The following ABTB3 variants were observed in gnomAD, a reference collection of about 807,000 sequenced individuals.
The protein encoded by ABTB3 is ankyrin repeat and BTB domain containing 3, also known as ankyrin repeat- and BTB/POZ domain-containing protein 3.
the ABTB3 span, among the ~76,000 whole-genome samples, chr12:107,361,295 A>T: frequency 6.6e-6 from 1 of 152,172 alleles, no homozygotes; most frequent in Non-Finnish European, 1.5e-5. Context: ...TTTTTTCCTT[A>T]CAAGATAGAA....
the ABTB3 span, among the ~76,000 whole-genome samples, chr12:107,644,059 C>T: frequency 4.1e-4 from 62 of 152,196 alleles, 1 homozygote; most frequent in South Asian, 0.011. Context: ...TGAGCTACTA[C>T]GTGTGGCATT....
chr12:107,600,227 A>T, the ABTB3 span, among the ~76,000 whole-genome samples: 1 of 152,214 alleles, frequency 6.6e-6, no homozygotes, highest in African/African-American at 2.4e-5. Flanking sequence ...CAGCTCCATC[A>T]CCTACAAGCT....
chr12:107,559,600 A>T, the ABTB3 span, among the ~76,000 whole-genome samples: 7 of 152,208 alleles, frequency 4.6e-5, no homozygotes, highest in African/African-American at 1.4e-4. Flanking sequence ...TGATATTGAC[A>T]GCTGCCAGCA....
chr12:107,422,172 G>A, the ABTB3 span, among the ~76,000 whole-genome samples: 2,322 of 152,268 alleles, frequency 0.015, 38 homozygotes, highest in Non-Finnish European at 0.021. Flanking sequence ...AGATACTGGG[G>A]GAGAGGAATC....
chr12:107,479,962 C>T, the ABTB3 span, among the ~76,000 whole-genome samples: 1 of 152,194 alleles, frequency 6.6e-6, no homozygotes, highest in Non-Finnish European at 1.5e-5. Context: ...ATGTTCTCAA[C>T]CACTACCCAG....
the ABTB3 span, among the ~76,000 whole-genome samples, chr12:107,607,694 C>T: frequency 1.3e-5 from 2 of 152,164 alleles, no homozygotes; most frequent in African/African-American, 2.4e-5. Flanking sequence ...CCAGCAGCTC[C>T]CCCTGGTGGC....
the ABTB3 span, among the ~76,000 whole-genome samples, chr12:107,454,154 C>T: frequency 2.6e-5 from 4 of 152,256 alleles, no homozygotes; most frequent in African/African-American, 9.6e-5. Context: ...TACATACCCA[C>T]ATCTACCTGA....
the ABTB3 span, among the ~76,000 whole-genome samples, chr12:107,624,643 GGTT>G: frequency 6.6e-6 from 1 of 152,162 alleles, no homozygotes; most frequent in Non-Finnish European, 1.5e-5. Context: ...AGATCATCCA[GGTT>G]GTTGCATGTA....
chr12:107,608,968 T>TATAAA, the ABTB3 span, among the ~76,000 whole-genome samples: 32,134 of 100,554 alleles, frequency 0.32, 4,441 homozygotes, highest in East Asian at 0.48. Flanking sequence ...TAAAATAAAA[T>TATAAA]ATAAAATAAA....
chr12:107,401,479 C>T, the ABTB3 span, among the ~76,000 whole-genome samples: 1 of 152,206 alleles, frequency 6.6e-6, no homozygotes, highest in Admixed American at 6.5e-5. Flanking sequence ...CAGGAACACC[C>T]CATCACAGGG....
the ABTB3 span, among the ~76,000 whole-genome samples, chr12:107,395,622 A>G: frequency 1.3e-5 from 2 of 152,082 alleles, no homozygotes; most frequent in Non-Finnish European, 2.9e-5. Flanking sequence ...GAGTGCTCCT[A>G]CTCACCCAGT....
the ABTB3 span, among the ~76,000 whole-genome samples, chr12:107,369,590 G>T: frequency 6.6e-6 from 1 of 151,098 alleles, no homozygotes; most frequent in East Asian, 1.9e-4. Flanking sequence ...AGAGAGACAG[G>T]ATTTCACCAT....
chr12:107,559,696 G>T, the ABTB3 span, among the ~76,000 whole-genome samples: 2 of 152,328 alleles, frequency 1.3e-5, no homozygotes, highest in African/African-American at 2.4e-5. Flanking sequence ...TGAGTTGAAT[G>T]TGTATTCTTC....
the ABTB3 span, among the ~76,000 whole-genome samples, chr12:107,395,654 C>T: frequency 6.6e-6 from 1 of 152,192 alleles, no homozygotes; most frequent in Admixed American, 6.5e-5. Context: ...TCTGTGGTGT[C>T]CATGGACTCC....
the ABTB3 span, among the ~76,000 whole-genome samples, chr12:107,321,308 C>A: frequency 6.6e-6 from 1 of 152,236 alleles, no homozygotes; most frequent in Admixed American, 6.5e-5. Context: ...TGTGTGCGCG[C>A]GCGTCTGTGC....
the ABTB3 span, among the ~76,000 whole-genome samples, chr12:107,547,377 T>A: frequency 6.6e-6 from 1 of 152,198 alleles, no homozygotes; most frequent in Admixed American, 6.5e-5. Context: ...CTCAGCACAG[T>A]TGCCCAGCTC....
the ABTB3 span, chr12:107,617,385 C>A: frequency 4.3e-6 from 7 of 1,614,142 alleles, no homozygotes; most frequent in Non-Finnish European, 5.9e-6. Context: ...ATTTCTACAA[C>A]CCCCCAGGGT....
At chr12:107,377,016 A>G in the ABTB3 span, among the ~76,000 whole-genome samples, 9 of 152,118 alleles carry the variant, frequency 5.9e-5, no homozygotes, top group South Asian at 4.1e-4. Flanking sequence ...TGTCTTGGAC[A>G]TGGAGATGCA....
the ABTB3 span, chr12:107,581,206 C>T: frequency 4.6e-6 from 7 of 1,533,410 alleles, no homozygotes; most frequent in South Asian, 3.6e-5. Flanking sequence ...CCGTGGCGCA[C>T]GCCGGCCACC....
Sources: gnomAD v4.1 joint callset for allele counts (sites outside exome capture counted in the v4.1 genomes callset) on GRCh38, gnomAD v4.1.1 for gene constraint, MANE v1.5 for transcripts, NCBI Gene and HGNC (gene_info 2026-07-23, HGNC 2026-07-21) for gene names.